Variants in GABRA3 observed in about 807,000 individuals in gnomAD.
GABRA3 encodes the protein gamma-aminobutyric acid receptor subunit alpha-3.
In GABRA3, 10 loss-of-function variants were observed where a neutral mutation model predicts 30.1. That is an observed-to-expected ratio of 0.33 (90% CI 0.20 to 0.56). The LOEUF (loss-of-function observed/expected upper bound fraction) is 0.56. Among genes scored for constraint, GABRA3 ranks in the 20% least tolerant of loss-of-function variants. GABRA3 has a pLI of 0.89. For synonymous variants in GABRA3, 151 were observed against 146.8 expected, an observed-to-expected ratio of 1.03 and a Z score of -0.21; for missense variants, 233 against 392.0, an observed-to-expected ratio of 0.59 and a Z score of 3.42.
chrX:152,284,634 A>G (rs1015074260), intron 4 of GABRA3, 34 bp downstream of exon 4: 4 of 1,022,005 alleles, frequency 3.9e-6, no homozygotes, highest in Non-Finnish European at 5.4e-6. Flanking sequence ...GGTCTAGTGC[A>G]TCCTCTTTTA....
intron 2 of GABRA3, 152 bp downstream of exon 2, chrX:152,364,279 C>G (rs1928591834): frequency 2.0e-6 from 1 of 488,201 alleles, no homozygotes; most frequent in Non-Finnish European, 3.3e-6. Flanking sequence ...CTTTGAGAGT[C>G]TGAGCCTATG....
intron 1 of GABRA3, among the ~76,000 whole-genome samples, chrX:152,385,947 T>A (rs754699687): frequency 1.8e-5 from 2 of 110,606 alleles, no homozygotes; most frequent in South Asian, 7.8e-4. Context: ...GTTCCATTGA[T>A]CTATATCTCT....
At chrX:152,394,153 T>C (rs746872415) in intron 1 of GABRA3, among the ~76,000 whole-genome samples, 250 of 111,699 alleles carry the variant, frequency 2.2e-3, no homozygotes, top group African/African-American at 8.0e-3. Context: ...ACTTTTTTTG[T>C]CATTTTGCAG....
At chrX:152,392,226 C>T (rs772916340) in intron 1 of GABRA3, 3 of 384,605 alleles carry the variant, frequency 7.8e-6, no homozygotes, top group East Asian at 7.5e-5. Flanking sequence ...AAGTAGACAC[C>T]GTAGCACATG....
In GABRA3 at chrX:152,242,682, ACAAT is replaced by A. The variant is rs771381190; in HGVS notation, c.551+13092_551+13095del. ...AATCAGAGAAATTCAAATCAAAACC[ACAAT>A]CAGATATTACCTCACACCTGTTAGG... On this transcript the variant is annotated intron_variant, in intron 5 of 9. Coordinates refer to ENST00000370314, the MANE Select transcript of GABRA3 (RefSeq NM_000808.4). 4.5e-5 allele frequency among the ~76,000 whole-genome samples: 5 copies of A among 112,080 alleles called. No individual in the cohort carries two copies. The East Asian group carries it at 1.4e-3, about 32-fold the overall frequency.
chrX:152,388,884 G>T (rs1227971691), intron 1 of GABRA3, among the ~76,000 whole-genome samples: 1 of 110,704 alleles, frequency 9.0e-6, no homozygotes, highest in Non-Finnish European at 1.9e-5. Flanking sequence ...TGCCACATTT[G>T]CTGCAAGGCA....
chrX:152,201,234 G>T (rs1328744472), intron 7 of GABRA3, among the ~76,000 whole-genome samples: 2 of 107,382 alleles, frequency 1.9e-5, no homozygotes, highest in Non-Finnish European at 3.8e-5. Flanking sequence ...AGAGAGAACT[G>T]AAACTTTAAT....
In GABRA3 at chrX:152,191,253, T is replaced by C. The variant is rs138873504; in HGVS notation, c.932-1312A>G. On this transcript the variant is annotated intron_variant, in intron 8 of 9. Transcript: ENST00000370314. ...TAAGTATAATCAATGTTAACAACAA[T>C]ATTATCATAATAATTTTACAATTGC... is the stretch of plus-strand genomic sequence containing the variant. Among the ~76,000 whole-genome samples, 993 of 110,753 alleles carry C rather than the reference T, an allele frequency of 9.0e-3. 18 individuals carry two copies. The highest frequency in any genetic ancestry group is 0.03 in the African/African-American group (925 of 30,473).
intron 4 of GABRA3, among the ~76,000 whole-genome samples, chrX:152,276,529 G>C (rs1012020883): frequency 1.8e-5 from 2 of 111,363 alleles, no homozygotes; most frequent in African/African-American, 6.5e-5. Flanking sequence ...ACACCCTAAA[G>C]AAATTAAAAA....
chrX:152,325,456 G>T (rs771241727), intron 3 of GABRA3, among the ~76,000 whole-genome samples: 1 of 111,568 alleles, frequency 9.0e-6, no homozygotes, highest in Non-Finnish European at 1.9e-5. Context: ...AGTAGGGGCC[G>T]ACTGACACCT....
intron 2 of GABRA3, among the ~76,000 whole-genome samples, chrX:152,361,823 G>A (rs1033459596): frequency 1.7e-4 from 19 of 110,857 alleles, no homozygotes; most frequent in Non-Finnish European, 3.4e-4. Context: ...AAAGAAATGG[G>A]ACTATTCTGT....
chrX:152,262,534 C>T (rs1307110985), intron 4 of GABRA3, among the ~76,000 whole-genome samples: 1 of 112,035 alleles, frequency 8.9e-6, no homozygotes, highest in African/African-American at 3.2e-5. Flanking sequence ...TTTGCTAAAG[C>T]ATAACAAAAG....
At chrX:152,386,539 T>A (rs1285968082) in intron 1 of GABRA3, among the ~76,000 whole-genome samples, 1 of 109,174 alleles carries the variant, frequency 9.2e-6, no homozygotes, top group Non-Finnish European at 1.9e-5. Context: ...AAAAAACACA[T>A]GAAAAAATGC....
chrX:152,370,082 G>T, intron 1 of GABRA3, among the ~76,000 whole-genome samples: 1 of 111,582 alleles, frequency 9.0e-6, no homozygotes, highest in Non-Finnish European at 1.9e-5. Flanking sequence ...TATTATATAA[G>T]ATAACAAACG....
intron 1 of GABRA3, among the ~76,000 whole-genome samples, chrX:152,397,013 G>A (rs1929677702): frequency 1.8e-5 from 2 of 111,714 alleles, no homozygotes; most frequent in Admixed American, 9.5e-5. Context: ...GTGACAAAGG[G>A]CAATACTTCA....
At chrX:152,444,618 C>A (rs1380850614) in intron 1 of GABRA3, among the ~76,000 whole-genome samples, 1 of 109,988 alleles carries the variant, frequency 9.1e-6, no homozygotes, top group Admixed American at 9.7e-5. Flanking sequence ...AAGGGCCCTG[C>A]CATTTCTGAA....
chrX:152,353,638 G>GTAA (rs1940509940), intron 2 of GABRA3, among the ~76,000 whole-genome samples: 1 of 111,555 alleles, frequency 9.0e-6, no homozygotes, highest in South Asian at 3.8e-4. Flanking sequence ...GAAAACTAAA[G>GTAA]TACTAAAAAT....
chrX:152,364,347 A>G, intron 2 of GABRA3, 84 bp downstream of exon 2: 1 of 964,998 alleles, frequency 1.0e-6, no homozygotes, highest in South Asian at 2.4e-5. Context: ...ACTTGGGTTC[A>G]TCTGGGGGAA....
chrX:152,234,722 T>C (rs1303422921), intron 5 of GABRA3, among the ~76,000 whole-genome samples: 2 of 111,808 alleles, frequency 1.8e-5, no homozygotes, highest in African/African-American at 6.5e-5. Context: ...ATTTATTGAA[T>C]AGGGTGTCCT....
Sources: allele counts gnomAD v4.1 joint callset (sites outside exome capture counted in the v4.1 genomes callset), GRCh38; gene constraint gnomAD v4.1.1; transcripts MANE v1.5; gene names NCBI Gene and HGNC (gene_info 2026-07-23, HGNC 2026-07-21).